Variants in NDST3 observed in about 807,000 individuals in gnomAD.
The protein encoded by NDST3 is N-deacetylase and N-sulfotransferase 3.
A neutral mutation model predicts 96.1 loss-of-function variants in NDST3; 58 were observed. The ratio of observed to expected loss-of-function variants is 0.60; its 90% CI spans 0.49 to 0.75. The LOEUF (loss-of-function observed/expected upper bound fraction) is 0.75, where lower values mean the gene tolerates loss of function less well. NDST3 is among the 30% of genes least tolerant of loss of function. The pLI, the probability that NDST3 is intolerant of heterozygous loss-of-function variation, is 0.00. For synonymous variants in NDST3, 333 were observed against 359.7 expected (o/e 0.93, Z 0.84); for missense variants, 788 against 1,034.2 (o/e 0.76, Z 3.27).
chr4:118,110,113 A>C (rs1021247035), intron 3 of NDST3, among the ~76,000 whole-genome samples: 23 of 152,214 alleles, frequency 1.5e-4, no homozygotes, highest in Non-Finnish European at 1.3e-4. Flanking sequence ...GTCTTAACTC[A>C]TCCTTGACTA....
At chr4:118,126,708 C>G (rs1732124646) in intron 4 of NDST3, among the ~76,000 whole-genome samples, 1 of 151,912 alleles carries the variant, frequency 6.6e-6, no homozygotes, top group Non-Finnish European at 1.5e-5. Flanking sequence ...GGTATATACT[C>G]AGCAGTGGGA....
At chr4:118,233,703 A>G (rs1179580901) in intron 9 of NDST3, among the ~76,000 whole-genome samples, 1 of 152,244 alleles carries the variant, frequency 6.6e-6, no homozygotes, top group Non-Finnish European at 1.5e-5. Context: ...AAAACTAAAA[A>G]TGTCAGAATA....
At chr4:118,192,213 T>C (rs1207759502) in intron 6 of NDST3, among the ~76,000 whole-genome samples, 1 of 152,226 alleles carries the variant, frequency 6.6e-6, no homozygotes, top group Non-Finnish European at 1.5e-5. Context: ...AGTTTACAAA[T>C]ATTTTCTCCC....
intron 2 of NDST3, among the ~76,000 whole-genome samples, chr4:118,088,799 C>T (rs1323756016): frequency 6.6e-6 from 1 of 151,970 alleles, no homozygotes; most frequent in Non-Finnish European, 1.5e-5. Context: ...TAGTAACTTT[C>T]TTGACAGTTA....
At chr4:118,244,593 A>G (rs751776190) in intron 12 of NDST3, among the ~76,000 whole-genome samples, 2 of 152,230 alleles carry the variant, frequency 1.3e-5, no homozygotes, top group Non-Finnish European at 2.9e-5. Context: ...ATGTAGTAGA[A>G]TAAATGAATG....
At chr4:118,091,569 A>G (rs1055395819) in intron 2 of NDST3, among the ~76,000 whole-genome samples, 1 of 151,608 alleles carries the variant, frequency 6.6e-6, no homozygotes, top group African/African-American at 2.4e-5. Context: ...ATCATGAGTA[A>G]TGTGATGCAT....
intron 6 of NDST3, among the ~76,000 whole-genome samples, chr4:118,160,115 G>T (rs1021863091): frequency 5.3e-5 from 8 of 152,128 alleles, no homozygotes; most frequent in African/African-American, 1.9e-4. Context: ...ACCAGAAAAG[G>T]TTATAATAAA....
At chr4:118,128,554 C>T (rs970426575) in intron 4 of NDST3, among the ~76,000 whole-genome samples, 2 of 151,880 alleles carry the variant, frequency 1.3e-5, no homozygotes, top group African/African-American at 2.4e-5. Flanking sequence ...TCATGATAAA[C>T]GATCTTTTTA....
rs574742496 is a variant in NDST3 at position 118,035,075 on chromosome 4, A to G, written c.-156+483A>G. On this transcript the variant is annotated intron_variant, in intron 1 of 13. Coordinates refer to ENST00000296499, the MANE Select transcript of NDST3 (RefSeq NM_004784.3). ...GGAAATGGAAAGAATCAATCTAGGT[A>G]TCAAATACAGAAACTTTAAATTTAA... Among the ~76,000 whole-genome samples, 463 of 152,340 alleles carry G rather than the reference A, an allele frequency of 3.0e-3. 2 individuals are homozygous for G. The highest frequency in any genetic ancestry group is 4.4e-3 in the Non-Finnish European group (302 of 68,006).
Position 118,054,312 on chromosome 4 carries a change from G to A in NDST3, c.402G>A (p.Glu134=), listed in dbSNP as rs771891062. The stretch of plus-strand genomic sequence containing the variant: ...GCAAATACATTCTCATTATTTATGA[G>A]AATATTTTAAAGTATATAAATATGG... ...MKGKYILIIY[E]NILKYINMDS... The change falls in exon 2 of 14, where the codon GAG becomes GAA. Residue 134 remains glutamate, a synonymous_variant. Coordinates refer to ENST00000296499, the MANE Select transcript of NDST3 (RefSeq NM_004784.3). 1 of 1,609,748 alleles carries A rather than the reference G, an allele frequency of 6.2e-7. No individual in the cohort carries two copies. The highest frequency in any genetic ancestry group is 8.5e-7 in the Non-Finnish European group (1 of 1,177,640).
At position 118,054,630 on chromosome 4, in the gene NDST3, C is replaced by A. The variant is rs1725290692; in HGVS notation, c.720C>A (p.Thr240=). 1 of 1,613,166 alleles carries A rather than the reference C, an allele frequency of 6.2e-7. No individual in the cohort carries two copies. The highest frequency in any genetic ancestry group is 1.7e-5 in the Admixed American group (1 of 59,870). Residue 240 remains threonine, a synonymous_variant, in exon 2 of 14, where the codon ACC becomes ACA. Coordinates refer to ENST00000296499, the MANE Select transcript of NDST3 (RefSeq NM_004784.3). ...CAGTAATATTTGCCAAAGTAAAGAC[C>A]CCAGAAAACCTTTCTCCTTCCATCT... ...YQPVIFAKVK[T]PENLSPSISK...
intron 1 of NDST3, among the ~76,000 whole-genome samples, chr4:118,047,519 G>T (rs1187822729): frequency 1.3e-5 from 2 of 152,178 alleles, no homozygotes; most frequent in Admixed American, 1.3e-4. Context: ...CTATCCAAGA[G>T]ATGAAATATG....
At chr4:118,099,142 A>T (rs189770299) in intron 2 of NDST3, among the ~76,000 whole-genome samples, 113 of 152,118 alleles carry the variant, frequency 7.4e-4, no homozygotes, top group Non-Finnish European at 1.4e-3. Context: ...CCAAGGGGGA[A>T]CTGTGATTTG....
chr4:118,197,769 T>G (rs1439936395), intron 6 of NDST3, among the ~76,000 whole-genome samples: 1 of 151,536 alleles, frequency 6.6e-6, no homozygotes, highest in African/African-American at 2.4e-5. Context: ...TTGGTGTGTT[T>G]TGTTTTGTTT....
At chr4:118,226,099 T>C (rs182705505) in intron 7 of NDST3, among the ~76,000 whole-genome samples, 8 of 152,244 alleles carry the variant, frequency 5.3e-5, no homozygotes, top group South Asian at 2.1e-4. Flanking sequence ...CACATACCTA[T>C]GGTATTAATT....
At chr4:118,074,045 C>T (rs910017503) in intron 2 of NDST3, among the ~76,000 whole-genome samples, 8 of 152,190 alleles carry the variant, frequency 5.3e-5, no homozygotes, top group African/African-American at 1.7e-4. Flanking sequence ...AGAAGTCATT[C>T]AGGAGTAGGT....
At chr4:118,100,686 G>A (rs1310884496) in intron 2 of NDST3, among the ~76,000 whole-genome samples, 1 of 152,100 alleles carries the variant, frequency 6.6e-6, no homozygotes, top group Non-Finnish European at 1.5e-5. Flanking sequence ...TATTCTTGTT[G>A]TTTCCATGGA....
rs555258267 is a variant in NDST3 at position 118,133,098 on chromosome 4, G to A, written c.1225-4956G>A. ...TCTCCCTAGGTCACATGCCACCCTA[G>A]TCCACTGGCTCTAATCCCAATCCAG... is the stretch of plus-strand genomic sequence containing the variant. On this transcript the variant is annotated intron_variant, in intron 4 of 13. Coordinates refer to ENST00000296499, the MANE Select transcript of NDST3 (RefSeq NM_004784.3). Among the ~76,000 whole-genome samples the A allele has an allele frequency of 1.1e-4, 17 of 152,264 alleles. No individual in the cohort carries two copies. In the East Asian group the frequency reaches 3.3e-3, roughly 29 times the overall value.
At chr4:118,252,809 T>C (rs530915252) in intron 12 of NDST3, among the ~76,000 whole-genome samples, 14 of 152,280 alleles carry the variant, frequency 9.2e-5, no homozygotes, top group African/African-American at 2.9e-4. Context: ...GAGAATCACT[T>C]GAACCCGAGA....
Sources: gnomAD v4.1 joint callset for allele counts (sites outside exome capture counted in the v4.1 genomes callset) on GRCh38, gnomAD v4.1.1 for gene constraint, MANE v1.5 for transcripts, NCBI Gene and HGNC (gene_info 2026-07-23, HGNC 2026-07-21) for gene names.